The following CTNND2 variants were observed in gnomAD, a reference collection of about 807,000 sequenced individuals.
CTNND2 encodes the protein catenin delta 2, also known as catenin delta-2.
CTNND2 carries 22 observed loss-of-function variants against 144.4 expected under a neutral mutation model. The ratio of observed to expected loss-of-function variants is 0.15; its 90% CI spans 0.11 to 0.22. CTNND2 has a LOEUF of 0.22. CTNND2 is among the 10% of genes least tolerant of loss of function. The pLI is 1.00. For synonymous variants in CTNND2, 751 were observed against 695.6 expected (o/e 1.08, Z -1.25); for missense variants, 1,353 against 1,618.8 (o/e 0.84, Z 2.82).
At chr5:11,391,192 T>C (rs190187250) in intron 6 of CTNND2, among the ~76,000 whole-genome samples, 26 of 110,404 alleles carry the variant, frequency 2.4e-4, no homozygotes, top group African/African-American at 8.2e-4. Context: ...AAACAGGGCA[T>C]GGCTTAAAGA....
intron 1 of CTNND2, among the ~76,000 whole-genome samples, chr5:11,824,992 A>G (rs989454633): frequency 6.6e-6 from 1 of 152,206 alleles, no homozygotes; most frequent in African/African-American, 2.4e-5. Flanking sequence ...CAACCCAGCT[A>G]AACTACTGGA....
At chr5:11,423,061 G>C (rs563006562) in intron 3 of CTNND2, among the ~76,000 whole-genome samples, 49 of 152,194 alleles carry the variant, frequency 3.2e-4, no homozygotes, top group Admixed American at 1.5e-3. Flanking sequence ...ATGTATCATA[G>C]TATCTTTGCC....
intron 3 of CTNND2, among the ~76,000 whole-genome samples, chr5:11,551,436 T>C (rs796378206): frequency 8.5e-5 from 8 of 94,462 alleles, no homozygotes; most frequent in South Asian, 5.6e-4. Flanking sequence ...TTTTTTCTTT[T>C]TTTTTTTTTT....
chr5:11,117,462 C>G lies in CTNND2; in HGVS notation c.2265G>C (p.Glu755Asp), dbSNP rs150747834. 4.3e-6 allele frequency: 7 copies of G among 1,613,698 alleles called. No individual in the cohort carries two copies. The African/African-American group carries it at 6.7e-5, about 15-fold the overall frequency. The change falls in exon 13 of 22, where the codon GAG (glutamate) becomes GAC (aspartate). Residue 755 changes from glutamate (E) to aspartate (D), a missense_variant. Transcript: ENST00000304623. ...YVIQSALGSS[E>D]IDSKTVENCV... Reference sequence around the variant, plus strand: ...CAGCACAACCAACCTTGCTATCGATCTCACTGCTCCCCAGCGCAGACTGGA... The same window carrying G: ...CAGCACAACCAACCTTGCTATCGATGTCACTGCTCCCCAGCGCAGACTGGA...
At chr5:11,477,440 C>A (rs1049103350) in intron 3 of CTNND2, among the ~76,000 whole-genome samples, 2 of 150,082 alleles carry the variant, frequency 1.3e-5, no homozygotes, top group Admixed American at 6.7e-5. Context: ...GATCTAGGAT[C>A]TTAATCTGTT....
intron 16 of CTNND2, among the ~76,000 whole-genome samples, chr5:11,041,268 T>A (rs1382320015): frequency 1.3e-5 from 2 of 152,246 alleles, no homozygotes; most frequent in Non-Finnish European, 2.9e-5. Flanking sequence ...ATAGATGACA[T>A]TATGTAGTGT....
chr5:11,275,865 T>G, intron 9 of CTNND2, among the ~76,000 whole-genome samples: 1 of 152,350 alleles, frequency 6.6e-6, no homozygotes, highest in Middle Eastern at 3.4e-3. Flanking sequence ...GTTTTCTAGA[T>G]GATTTAATGC....
Position 10,988,061 on chromosome 5 carries a change from C to A in CTNND2, c.3343+50G>T. 1 of 1,610,832 alleles carries A rather than the reference C, an allele frequency of 6.2e-7. No homozygotes were observed. Among genetic ancestry groups the A allele is most frequent in the South Asian group, 1.1e-5 (1 of 90,444 alleles). On this transcript the variant is annotated intron_variant, in intron 20 of 21. Coordinates refer to ENST00000304623, the MANE Select transcript of CTNND2 (RefSeq NM_001332.4). The surrounding 1 kb of genome is among the most constrained non-coding windows in gnomAD (Gnocchi z 5.9). ...CTGATGTCCCATATCTCTGCCTTGT[C>A]GCGGGTCAAGCCACCAAGTTCCAGG...
intron 7 of CTNND2, among the ~76,000 whole-genome samples, 175 bp from the exon 8 acceptor site, chr5:11,365,065 A>G (rs1756838856): frequency 6.6e-6 from 1 of 152,270 alleles, no homozygotes; most frequent in South Asian, 2.1e-4. Context: ...GGCATCACCC[A>G]GCTGCCTGGC....
chr5:11,177,997 T>C (rs1760643458), intron 11 of CTNND2, among the ~76,000 whole-genome samples: 1 of 152,190 alleles, frequency 6.6e-6, no homozygotes, highest in Non-Finnish European at 1.5e-5. Flanking sequence ...ACTGATATTC[T>C]GGCAGTGGTG....
chr5:11,845,930 T>C (rs531597726), intron 1 of CTNND2, among the ~76,000 whole-genome samples: 1 of 152,292 alleles, frequency 6.6e-6, no homozygotes, highest in African/African-American at 2.4e-5. Context: ...ATCTAAAATG[T>C]AACCCCCGTG....
At chr5:10,982,456 C>G (rs1394922984) in intron 20 of CTNND2, among the ~76,000 whole-genome samples, 1 of 152,240 alleles carries the variant, frequency 6.6e-6, no homozygotes, top group African/African-American at 2.4e-5. Context: ...AAGGTCTCCT[C>G]TAGTTGCCAG....
chr5:11,501,687 C>T (rs1770537435), intron 3 of CTNND2, among the ~76,000 whole-genome samples: 1 of 151,938 alleles, frequency 6.6e-6, no homozygotes, highest in South Asian at 2.1e-4. Flanking sequence ...AGGATGGAGC[C>T]CTAATGAATG....
At chr5:11,665,999 A>G (rs1388402481) in intron 2 of CTNND2, among the ~76,000 whole-genome samples, 2 of 152,220 alleles carry the variant, frequency 1.3e-5, no homozygotes, top group Non-Finnish European at 2.9e-5. Context: ...AGATCTAAGC[A>G]TGTACTAGAT....
At chr5:11,158,245 AG>A (rs1465617331) in intron 12 of CTNND2, among the ~76,000 whole-genome samples, 1 of 152,218 alleles carries the variant, frequency 6.6e-6, no homozygotes, top group African/African-American at 2.4e-5. Context: ...GTTGTGAATA[AG>A]TGAAATAGAA....
At chr5:11,419,546 A>C (rs941543712) in intron 3 of CTNND2, among the ~76,000 whole-genome samples, 1 of 152,176 alleles carries the variant, frequency 6.6e-6, no homozygotes, top group African/African-American at 2.4e-5. Context: ...ACAATGTTTC[A>C]AGTTTGATTT....
intron 11 of CTNND2, among the ~76,000 whole-genome samples, chr5:11,176,587 T>C (rs777023617): frequency 3.9e-5 from 6 of 152,180 alleles, no homozygotes; most frequent in African/African-American, 9.7e-5. Flanking sequence ...AATTCCTTCA[T>C]GGAGTGAGAT....
intron 3 of CTNND2, among the ~76,000 whole-genome samples, chr5:11,414,046 C>T (rs1037817059): frequency 1.3e-5 from 2 of 151,976 alleles, no homozygotes; most frequent in Non-Finnish European, 2.9e-5. Context: ...TCCAGGTGGG[C>T]CCTAAATCCA....
At chr5:11,442,140 T>A (rs937410886) in intron 3 of CTNND2, among the ~76,000 whole-genome samples, 2 of 152,202 alleles carry the variant, frequency 1.3e-5, no homozygotes, top group East Asian at 3.8e-4. Context: ...TCAGAGATAA[T>A]CCCTGTGGGC....
Sources: allele counts gnomAD v4.1 joint callset (sites outside exome capture counted in the v4.1 genomes callset), GRCh38; gene constraint gnomAD v4.1.1; non-coding constraint Gnocchi (gnomAD v3.1); transcripts MANE v1.5; gene names NCBI Gene and HGNC (gene_info 2026-07-23, HGNC 2026-07-21).